Variants in TP63 observed in about 807,000 individuals in gnomAD.
TP63 encodes the protein tumor protein 63.
A neutral mutation model predicts 82.8 loss-of-function variants in TP63; 17 were observed. That is an observed-to-expected ratio of 0.21 (90% CI 0.14 to 0.31). TP63 has a LOEUF of 0.31. Among genes scored for constraint, TP63 ranks in the 10% least tolerant of loss-of-function variants. The pLI, the probability that TP63 is intolerant of heterozygous loss-of-function variation, is 1.00. For missense variants in TP63, 648 were observed against 895.3 expected (o/e 0.72, Z 3.52); for synonymous variants, 330 against 321.7 (o/e 1.03, Z -0.28).
At position 189,868,808 on chromosome 3, in the gene TP63, C is replaced by T. The variant is rs1718052981; in HGVS notation, c.1129+92C>T. 3.7e-6 allele frequency: 6 copies of T among 1,601,166 alleles called. No homozygotes were observed. In the Admixed American group the frequency reaches 8.3e-5, roughly 22 times the overall value. On this transcript the variant is annotated intron_variant, in intron 8 of 13. Coordinates refer to ENST00000264731, the MANE Select transcript of TP63 (RefSeq NM_003722.5). ...TATTGGAGAAGCTGCATGATAAGAC[C>T]TGTGACCTTCAGCAGCAAGTGGGAC...
intron 4 of TP63, among the ~76,000 whole-genome samples, chr3:189,816,586 G>A (rs1728209352): frequency 6.6e-6 from 1 of 152,128 alleles, no homozygotes; most frequent in Admixed American, 6.5e-5. Context: ...GGTATGTCTA[G>A]TCAGGTCACT....
intron 3 of TP63, among the ~76,000 whole-genome samples, chr3:189,780,486 T>G (rs1724145381): frequency 1.3e-5 from 2 of 151,808 alleles, no homozygotes. Context: ...GGAAAACAGT[T>G]TCCTCCATAG....
Position 189,738,703 on chromosome 3 carries a change from G to A in TP63, c.253G>A (p.Ala85Thr). The change falls in exon 3 of 14, where the codon GCG (alanine) becomes ACG (threonine). Residue 85 changes from alanine to threonine, a missense_variant. By Grantham distance (58) the Ala-to-Thr change is moderately conservative. Coordinates refer to ENST00000264731, the MANE Select transcript of TP63 (RefSeq NM_003722.5). ...TGTGGATGAACCATCAGAAGATGGT[G>A]CGACAAACAAGATTGAGATTAGCAT... ...NFVDEPSEDG[A>T]TNKIEISMDC... 6.2e-7 allele frequency: 1 copy of A among 1,614,148 alleles called. No homozygotes were observed. The highest frequency in any genetic ancestry group is 8.5e-7 in the Non-Finnish European group (1 of 1,180,008).
chr3:189,707,507 T>G (rs958045498), intron 1 of TP63, among the ~76,000 whole-genome samples: 4 of 152,152 alleles, frequency 2.6e-5, no homozygotes, highest in Non-Finnish European at 5.9e-5. Flanking sequence ...TTTACAAATT[T>G]TCTTTTGGAG....
Position 189,689,098 on chromosome 3 carries a change from C to CTTTTTTTTTTTTTTTTTTTT in TP63, c.63-48637_63-48636insTTTTTTTTTTTTTTTTTTTT, listed in dbSNP as rs1383931117. 1.1e-4 allele frequency among the ~76,000 whole-genome samples: 9 copies of CTTTTTTTTTTTTTTTTTTTT among 85,140 alleles called. 4 individuals are homozygous for CTTTTTTTTTTTTTTTTTTTT. Among genetic ancestry groups the CTTTTTTTTTTTTTTTTTTTT allele is most frequent in the African/African-American group, 1.7e-4 (4 of 23,182 alleles). 55.9% of individuals were successfully genotyped at this position (85,140 alleles called of 152,430 possible). On this transcript the variant is annotated intron_variant, in intron 1 of 13. Coordinates refer to ENST00000264731, the MANE Select transcript of TP63 (RefSeq NM_003722.5). ...CAGAGTGGCCAGCATTCAAATCTAC[C>CTTTTTTTTTTTTTTTTTTTT]TTTTTCTTTTTTTTTTTTTTTTTTT...
chr3:189,756,883 G>T (rs1176503809), intron 3 of TP63, among the ~76,000 whole-genome samples: 1 of 152,160 alleles, frequency 6.6e-6, no homozygotes, highest in African/African-American at 2.4e-5. Context: ...GAAGAGGGCA[G>T]ATAAACAGAA....
intron 4 of TP63, 43 bp from the exon 5 acceptor site, chr3:189,864,189 T>C: frequency 6.2e-7 from 1 of 1,612,054 alleles, no homozygotes; most frequent in East Asian, 2.2e-5. Flanking sequence ...TATCTCCTGT[T>C]GGTTCTCTCC....
intron 1 of TP63, among the ~76,000 whole-genome samples, chr3:189,676,320 C>T (rs532564973): frequency 1.0e-3 from 156 of 152,068 alleles, no homozygotes; most frequent in Non-Finnish European, 2.1e-3. Context: ...TCCCATTTTT[C>T]GTACTCCCAA....
chr3:189,820,625 T>C (rs1319787948), intron 4 of TP63, among the ~76,000 whole-genome samples: 1 of 152,176 alleles, frequency 6.6e-6, no homozygotes, highest in African/African-American at 2.4e-5. Context: ...TACTAGTGAG[T>C]GGAGCCTTTT....
chr3:189,770,459 G>A (rs1020582863), intron 3 of TP63, among the ~76,000 whole-genome samples: 5 of 151,988 alleles, frequency 3.3e-5, no homozygotes, highest in Admixed American at 3.3e-4. Flanking sequence ...CAGCTGCTCG[G>A]GGGGCTGAGG....
intron 3 of TP63, among the ~76,000 whole-genome samples, chr3:189,770,713 T>G (rs1723276585): frequency 6.6e-6 from 1 of 152,226 alleles, no homozygotes; most frequent in Non-Finnish European, 1.5e-5. Context: ...TTCTCTGAAT[T>G]TATGCAAATT....
At chr3:189,657,722 A>G (rs1445752382) in intron 1 of TP63, among the ~76,000 whole-genome samples, 1 of 152,118 alleles carries the variant, frequency 6.6e-6, no homozygotes, top group Non-Finnish European at 1.5e-5. Context: ...AGAGTTACAG[A>G]CATCAGTGTG....
chr3:189,621,692 G>T, the TP63 span, among the ~76,000 whole-genome samples: 1 of 151,806 alleles, frequency 6.6e-6, no homozygotes, highest in Non-Finnish European at 1.5e-5. Context: ...TATACTCAGG[G>T]TCTTGATCTG....
In TP63 at chr3:189,738,767, C is replaced by T. The variant is rs1720774885; in HGVS notation, c.317C>T (p.Pro106Leu). The change falls in exon 3 of 14, where the codon CCC becomes CTC. Residue 106 changes from proline to leucine, a missense_variant. Pro to Leu is a moderately conservative substitution (Grantham distance 98). Coordinates refer to ENST00000264731, the MANE Select transcript of TP63 (RefSeq NM_003722.5). Reference sequence around the variant, plus strand: ...ATGCAGGACTCGGACCTGAGTGACCCCATGTGGGTGAGTGGCACAGGCTTT... The same window carrying T: ...ATGCAGGACTCGGACCTGAGTGACCTCATGTGGGTGAGTGGCACAGGCTTT... The part of the protein sequence containing the change: ...IRMQDSDLSD[P>L]MWPQYTNLGL... The T allele has an allele frequency of 6.2e-7, 1 of 1,613,990 alleles. No homozygotes were observed. Among genetic ancestry groups the T allele is most frequent in the Non-Finnish European group, 8.5e-7 (1 of 1,179,976 alleles).
chr3:189,658,227 A>G (rs9872452), intron 1 of TP63, among the ~76,000 whole-genome samples: 69,221 of 151,912 alleles, frequency 0.46, 16,154 homozygotes, highest in East Asian at 0.68. Flanking sequence ...GTTGTAATAC[A>G]AAATATTAAA....
intron 1 of TP63, among the ~76,000 whole-genome samples, chr3:189,645,914 C>T (rs1480207766): frequency 2.0e-5 from 3 of 147,332 alleles, no homozygotes; most frequent in African/African-American, 7.6e-5. Flanking sequence ...GGCACATAAG[C>T]TGATTCCATA....
At chr3:189,722,672 T>A (rs1451780079) in intron 1 of TP63, among the ~76,000 whole-genome samples, 1 of 152,230 alleles carries the variant, frequency 6.6e-6, no homozygotes, top group Non-Finnish European at 1.5e-5. Context: ...TCCCCAAAGT[T>A]ATACACCTAG....
At chr3:189,863,230 C>T (rs964904136) in intron 4 of TP63, among the ~76,000 whole-genome samples, 16 of 152,142 alleles carry the variant, frequency 1.1e-4, no homozygotes, top group African/African-American at 3.9e-4. Flanking sequence ...CACTCTTGGC[C>T]AGCAATTCCA....
At chr3:189,881,309 T>C in intron 10 of TP63, 1 of 985,312 alleles carries the variant, frequency 1.0e-6, no homozygotes, top group Non-Finnish European at 1.2e-6. Flanking sequence ...TCTGTTTCTT[T>C]CCATTTTAAA....
Sources: allele counts gnomAD v4.1 joint callset (sites outside exome capture counted in the v4.1 genomes callset), GRCh38; gene constraint gnomAD v4.1.1; transcripts MANE v1.5; gene names NCBI Gene and HGNC (gene_info 2026-07-23, HGNC 2026-07-21).